The following ZFAND4 variants were observed in gnomAD, a reference collection of about 807,000 sequenced individuals.
The protein encoded by ZFAND4 is zinc finger AN1-type containing 4, also known as AN1-type zinc finger protein 4.
Under a neutral mutation model 64.4 loss-of-function variants are expected in ZFAND4, and 43 were observed. The observed-to-expected ratio is 0.67, with a 90% confidence interval of 0.52 to 0.86. ZFAND4 has a LOEUF of 0.86. ZFAND4 is among the 40% of genes least tolerant of loss of function. The pLI, the probability that ZFAND4 is intolerant of heterozygous loss-of-function variation, is 0.00. For missense variants in ZFAND4, 929 were observed against 859.8 expected, an observed-to-expected ratio of 1.08 and a Z score of -1.01; for synonymous variants, 296 against 305.7, an observed-to-expected ratio of 0.97 and a Z score of 0.33.
chr10:45,644,763 T>C (rs1472081906), intron 5 of ZFAND4, among the ~76,000 whole-genome samples: 1 of 152,186 alleles, frequency 6.6e-6, no homozygotes, highest in Non-Finnish European at 1.5e-5. Flanking sequence ...TTATTGTTTA[T>C]TGAGGGCGTC....
At chr10:45,658,703 AT>A (rs1309042132) in intron 2 of ZFAND4, among the ~76,000 whole-genome samples, 3 of 152,366 alleles carry the variant, frequency 2.0e-5, no homozygotes, top group Admixed American at 2.0e-4. Context: ...AAACAAAAAA[AT>A]ATTTTTAGCA....
chr10:45,646,384 A>G (rs2047380486), intron 5 of ZFAND4, among the ~76,000 whole-genome samples: 1 of 152,134 alleles, frequency 6.6e-6, no homozygotes, highest in African/African-American at 2.4e-5. Flanking sequence ...AGGAAATATA[A>G]ATGTTCTTCA....
At chr10:45,649,756 T>G (rs1346872922) in intron 4 of ZFAND4, 1 of 152,232 alleles carries the variant, frequency 6.6e-6, no homozygotes, top group African/African-American at 2.4e-5. Context: ...TGCTCCACTT[T>G]CCATATTACA....
At chr10:45,661,855 G>C (rs149765636) in intron 2 of ZFAND4, among the ~76,000 whole-genome samples, 2 of 151,560 alleles carry the variant, frequency 1.3e-5, no homozygotes. Context: ...CAGGAGAATC[G>C]CTTGAACCCA....
At chr10:45,671,485 G>T (rs183066562) in intron 1 of ZFAND4, among the ~76,000 whole-genome samples, 240 of 149,652 alleles carry the variant, frequency 1.6e-3, no homozygotes, top group African/African-American at 5.3e-3. Context: ...ATACACCATG[G>T]AATACTATGC....
intron 6 of ZFAND4, among the ~76,000 whole-genome samples, chr10:45,637,032 C>T (rs1371136878): frequency 6.6e-6 from 1 of 151,438 alleles, no homozygotes; most frequent in African/African-American, 2.4e-5. Context: ...ATCTTTACCC[C>T]ACTTTACGTT....
rs2048248010 is a variant in ZFAND4, at chr10:45,658,060, T to C, written c.185-5001A>G. ...CAACACCAACAGAACGATATACTTGTTATGATATACTGTGTCCCTTCAAAA... is the reference window on the plus strand; with the variant it reads ...CAACACCAACAGAACGATATACTTGCTATGATATACTGTGTCCCTTCAAAA... On this transcript the variant is annotated intron_variant, in intron 2 of 9. Coordinates refer to ENST00000344646, the MANE Select transcript of ZFAND4 (RefSeq NM_174890.4). Among the ~76,000 whole-genome samples the C allele has an allele frequency of 2.0e-5, 3 of 152,208 alleles. No individual in the cohort carries two copies. In the South Asian group the frequency reaches 6.2e-4, roughly 32 times the overall value.
intron 2 of ZFAND4, among the ~76,000 whole-genome samples, chr10:45,658,263 A>G (rs1216005302): frequency 6.6e-6 from 1 of 152,228 alleles, no homozygotes; most frequent in Non-Finnish European, 1.5e-5. Context: ...ACACAAGGAG[A>G]TTATCACATG....
At chr10:45,632,826 T>C (rs1589291213) in intron 6 of ZFAND4, among the ~76,000 whole-genome samples, 1 of 152,122 alleles carries the variant, frequency 6.6e-6, no homozygotes, top group South Asian at 2.1e-4. Flanking sequence ...TGTTTTAAAA[T>C]TTCAAGCTGG....
At chr10:45,652,656 A>G (rs186802306) in intron 3 of ZFAND4, among the ~76,000 whole-genome samples, 16 of 152,330 alleles carry the variant, frequency 1.1e-4, no homozygotes, top group African/African-American at 3.8e-4. Context: ...AAACAGAAAG[A>G]AAGGAACATA....
chr10:45,658,336 G>C (rs1039252354), intron 2 of ZFAND4, among the ~76,000 whole-genome samples: 1 of 152,134 alleles, frequency 6.6e-6, no homozygotes, highest in South Asian at 2.1e-4. Context: ...CAAACCCCCA[G>C]GAGCTGGGTG....
At chr10:45,661,664 G>A (rs187532865) in intron 2 of ZFAND4, among the ~76,000 whole-genome samples, 1 of 152,254 alleles carries the variant, frequency 6.6e-6, no homozygotes, top group African/African-American at 2.4e-5. Context: ...TTTTCAGCTG[G>A]GTTAGGTGGC....
In ZFAND4 at chr10:45,626,510, G is replaced by A. The variant is rs749428904; in HGVS notation, c.1313C>T (p.Pro438Leu). Residue 438 changes from proline to leucine, a missense_variant, in exon 7 of 10, where the codon CCA (proline) becomes CTA (leucine). Coordinates refer to ENST00000344646, the MANE Select transcript of ZFAND4 (RefSeq NM_174890.4). The part of the protein sequence containing the change: ...LTNADKGLKA[P>L]EQHLKHVAGV... ...TGCAACATGCTTGAGATGCTGCTCT[G>A]GAGCTTTCAACCCTTTGTCAGCATT... 6.2e-7 allele frequency: 1 copy of A among 1,613,906 alleles called. No individual in the cohort carries two copies. Among genetic ancestry groups the A allele is most frequent in the Non-Finnish European group, 8.5e-7 (1 of 1,180,022 alleles).
chr10:45,667,428 T>A (rs180774836), intron 1 of ZFAND4, among the ~76,000 whole-genome samples: 2 of 150,982 alleles, frequency 1.3e-5, no homozygotes, highest in East Asian at 3.9e-4. Context: ...GTTTTACTTC[T>A]CCCTTTCTAA....
At chr10:45,621,421 TAAAA>T (rs537785392) in intron 8 of ZFAND4, among the ~76,000 whole-genome samples, 2 of 129,056 alleles carry the variant, frequency 1.5e-5, no homozygotes, top group Non-Finnish European at 1.7e-5. Flanking sequence ...GAGGGCTGGT[TAAAA>T]AAAAAAAAAA....
intron 6 of ZFAND4, among the ~76,000 whole-genome samples, chr10:45,637,039 C>T (rs1003225659): frequency 6.6e-6 from 1 of 151,064 alleles, no homozygotes. Flanking sequence ...CCCCACTTTA[C>T]GTTATATCAG....
At position 45,626,305 on chromosome 10, in the gene ZFAND4, A is replaced by G. The variant is rs1460548713; in HGVS notation, c.1518T>C (p.Ser506=). Residue 506 remains serine (S), a synonymous_variant, in exon 7 of 10, where the codon TCT becomes TCC. Transcript: ENST00000344646. ...CFEFGKLQPS[S]SQSLDVQNIT... is the part of the protein sequence containing the mutation. ...TGTTTTGAACATCCAGTGACTGAGA[A>G]GAAGAAGGCTGTAGCTTCCCAAACT... is the stretch of plus-strand genomic sequence containing the variant. The G allele has an allele frequency of 1.2e-6, 2 of 1,614,144 alleles. No individual in the cohort carries two copies. The highest frequency in any genetic ancestry group is 2.7e-5 in the African/African-American group (2 of 75,068).
At chr10:45,644,550 T>G (rs1255320680) in intron 5 of ZFAND4, among the ~76,000 whole-genome samples, 1 of 152,210 alleles carries the variant, frequency 6.6e-6, no homozygotes, top group East Asian at 1.9e-4. Flanking sequence ...CAAGGAAAGC[T>G]ACTCATCAAT....
rs374995563 is a variant in ZFAND4 at position 45,651,865 on chromosome 10, A to G, written c.328+101T>C. The G allele has an allele frequency of 2.2e-5, 23 of 1,035,768 alleles. No individual in the cohort carries two copies. In the African/African-American group the frequency reaches 3.2e-4, roughly 14 times the overall value. 64.2% of individuals were successfully genotyped at this position (1,035,768 alleles called of 1,614,324 possible). On this transcript the variant is annotated intron_variant, in intron 4 of 9. Transcript: ENST00000344646. ...ATCAAATGTGATTTTTCTAAGACCT[A>G]ATAGCAGAAAGGAAACCTAAATAAA...
Sources: gnomAD v4.1 joint callset for allele counts (sites outside exome capture counted in the v4.1 genomes callset) on GRCh38, gnomAD v4.1.1 for gene constraint, MANE v1.5 for transcripts, NCBI Gene and HGNC (gene_info 2026-07-23, HGNC 2026-07-21) for gene names.